The following BBX variants were observed in gnomAD, a reference collection of about 807,000 sequenced individuals.
BBX encodes BBX high mobility group box domain containing.
A neutral mutation model predicts 100.2 loss-of-function variants in BBX; 30 were observed. That is an observed-to-expected ratio of 0.30 (90% CI 0.22 to 0.41). The LOEUF is 0.41. BBX is among the 10% of genes least tolerant of loss of function. BBX has a pLI of 1.00. For synonymous variants in BBX, 376 were observed against 388.1 expected, an observed-to-expected ratio of 0.97 and a Z score of 0.37; for missense variants, 1,023 against 1,129.8, an observed-to-expected ratio of 0.91 and a Z score of 1.35.
intron 3 of BBX, among the ~76,000 whole-genome samples, chr3:107,708,479 G>C (rs1267147917): frequency 2.0e-4 from 31 of 152,088 alleles, no homozygotes; most frequent in Admixed American, 2.0e-3. Flanking sequence ...TTCAAGACCA[G>C]ACTGGCCAAT....
chr3:107,611,834 T>C (rs1010318037), intron 2 of BBX, among the ~76,000 whole-genome samples: 2 of 152,138 alleles, frequency 1.3e-5, no homozygotes, highest in Non-Finnish European at 2.9e-5. Flanking sequence ...CCCCTCTCTT[T>C]CTACCTCCTC....
Position 107,696,534 on chromosome 3 carries a change from C to G in BBX, c.-9-13918C>G, listed in dbSNP as rs559544910. Among the ~76,000 whole-genome samples, 26 of 151,976 alleles carry G rather than the reference C, an allele frequency of 1.7e-4. No individual in the cohort carries two copies. In the East Asian group the frequency reaches 5.0e-3, roughly 29 times the overall value. On this transcript the variant is annotated intron_variant, in intron 3 of 17. Transcript: ENST00000325805. ...AATGTTGAATACTGGCCCCCACTCTCTTCTGGCTTCTAGAGTTTCTGCCAA... is the reference window on the plus strand; with the variant it reads ...AATGTTGAATACTGGCCCCCACTCTGTTCTGGCTTCTAGAGTTTCTGCCAA...
intron 2 of BBX, among the ~76,000 whole-genome samples, chr3:107,613,827 A>G (rs908967499): frequency 6.7e-6 from 1 of 149,836 alleles, no homozygotes; most frequent in African/African-American, 2.5e-5. Context: ...TGCAACAGTC[A>G]TTTTCCTATT....
At chr3:107,616,197 C>A (rs2107672829) in intron 2 of BBX, among the ~76,000 whole-genome samples, 1 of 151,412 alleles carries the variant, frequency 6.6e-6, no homozygotes, top group South Asian at 2.1e-4. Flanking sequence ...TTTTTTAGTG[C>A]CAACATGATT....
intron 10 of BBX, among the ~76,000 whole-genome samples, chr3:107,767,208 T>C (rs2066466594): frequency 6.6e-6 from 1 of 152,158 alleles, no homozygotes; most frequent in Non-Finnish European, 1.5e-5. Context: ...AAAATACATA[T>C]GTATTTCCTT....
chr3:107,604,807 A>G (rs551209539), intron 2 of BBX, among the ~76,000 whole-genome samples: 1 of 150,704 alleles, frequency 6.6e-6, no homozygotes, highest in African/African-American at 2.4e-5. Context: ...AGGAAAACCC[A>G]GTGGATAAGT....
chr3:107,757,770 CGTTTA>C, intron 10 of BBX, among the ~76,000 whole-genome samples: 1 of 151,912 alleles, frequency 6.6e-6, no homozygotes, highest in African/African-American at 2.4e-5. Context: ...CAAAATATAA[CGTTTA>C]ATTATTTCTG....
At chr3:107,523,361 A>G (rs1445563974) in intron 1 of BBX, 2 of 150,880 alleles carry the variant, frequency 1.3e-5, no homozygotes, top group Non-Finnish European at 2.9e-5. Flanking sequence ...GGGTCGGGAG[A>G]GGTCGGGGGC....
Position 107,772,682 on chromosome 3 carries a change from A to G in BBX, c.961A>G (p.Lys321Glu), listed in dbSNP as rs1351220915. Reference protein sequence around the residue: ...KMEESKLIKAKESDGGRIKEL... With the variant: ...KMEESKLIKAEESDGGRIKEL... ...GGAAGAATCAAAGCTAATAAAAGCA[A>G]AAGAATCCGATGGTGGAAGAATTAA... The change falls in exon 11 of 18, where the codon AAA becomes GAA. Residue 321 changes from lysine (K) to glutamate (E), a missense_variant. Lys to Glu is a moderately conservative substitution (Grantham distance 56, BLOSUM62 1). Around this residue, in one of 9 missense-constraint regions of BBX, gnomAD observed 348 missense variants for 353.2 expected, o/e 0.99. Coordinates refer to ENST00000325805, the MANE Select transcript of BBX (RefSeq NM_001142568.3). 1.2e-6 allele frequency: 2 copies of G among 1,601,942 alleles called. No individual in the cohort carries two copies. Among genetic ancestry groups the G allele is most frequent in the Admixed American group, 1.7e-5 (1 of 57,252 alleles).
intron 2 of BBX, among the ~76,000 whole-genome samples, chr3:107,564,376 A>G (rs1397587379): frequency 6.6e-6 from 1 of 152,144 alleles, no homozygotes; most frequent in Non-Finnish European, 1.5e-5. Flanking sequence ...GTCATGTCTC[A>G]TGGGGATGTT....
chr3:107,740,007 G>C (rs1322445764), intron 7 of BBX, among the ~76,000 whole-genome samples: 1 of 152,000 alleles, frequency 6.6e-6, no homozygotes, highest in Non-Finnish European at 1.5e-5. Context: ...TACTCCAGCA[G>C]CCCTGATGCC....
chr3:107,739,077 G>A (rs2063872479), intron 7 of BBX, among the ~76,000 whole-genome samples: 1 of 152,138 alleles, frequency 6.6e-6, no homozygotes, highest in African/African-American at 2.4e-5. Context: ...TAAATGCTGA[G>A]TTTTTAACAA....
intron 12 of BBX, 140 bp from the exon 13 acceptor site, chr3:107,778,231 T>A (rs985214018): frequency 9.9e-7 from 1 of 1,009,232 alleles, no homozygotes; most frequent in Non-Finnish European, 1.4e-6. Flanking sequence ...AGAAAAGGTG[T>A]TTTTTTCCTT....
At chr3:107,798,849 A>G in intron 16 of BBX, 129 bp downstream of exon 16, 1 of 1,029,622 alleles carries the variant, frequency 9.7e-7, no homozygotes, top group Admixed American at 2.9e-5. Context: ...AAAAAAAAAA[A>G]ACAAAAACAA....
Position 107,791,275 on chromosome 3 carries a change from T to G in BBX, c.2329T>G (p.Leu777Val), listed in dbSNP as rs771127512. The change falls in exon 15 of 18, where the codon TTG (leucine) becomes GTG (valine). Residue 777 changes from leucine (L) to valine (V), a missense_variant. Physicochemically the swap from Leu to Val is conservative, Grantham distance 32. Coordinates refer to ENST00000325805, the MANE Select transcript of BBX (RefSeq NM_001142568.3). ...GDKWSNKQLF[L>V]DAIHPTEAIF... Reference sequence around the variant, plus strand: ...TAAATGGTCAAACAAGCAACTCTTCTTGGATGCCATTCACCCTACAGAAGG... The same window carrying G: ...TAAATGGTCAAACAAGCAACTCTTCGTGGATGCCATTCACCCTACAGAAGG... 3 of 1,613,368 alleles carry G rather than the reference T, an allele frequency of 1.9e-6. No homozygotes were observed. The African/African-American group carries it at 4.0e-5, about 22-fold the overall frequency.
At chr3:107,563,133 G>T (rs2050634033) in intron 2 of BBX, among the ~76,000 whole-genome samples, 1 of 152,178 alleles carries the variant, frequency 6.6e-6, no homozygotes, top group South Asian at 2.1e-4. Flanking sequence ...AGCGATTTAT[G>T]TGTGTGGAGG....
intron 3 of BBX, among the ~76,000 whole-genome samples, chr3:107,665,391 A>G (rs753295990): frequency 5.9e-5 from 9 of 152,124 alleles, no homozygotes; most frequent in Non-Finnish European, 1.0e-4. Context: ...AGTGAACTGT[A>G]AGATTCCTTT....
chr3:107,555,699 A>AT (rs1380875504), intron 2 of BBX, among the ~76,000 whole-genome samples: 1 of 152,176 alleles, frequency 6.6e-6, no homozygotes, highest in Non-Finnish European at 1.5e-5. Context: ...ACTGAAGAAG[A>AT]TTCTCTTCTT....
chr3:107,704,022 G>A (rs2061242243), intron 3 of BBX, among the ~76,000 whole-genome samples: 1 of 152,064 alleles, frequency 6.6e-6, no homozygotes, highest in Non-Finnish European at 1.5e-5. Flanking sequence ...TTTTTCCCAG[G>A]TAAGCATTTG....
Sources: allele counts gnomAD v4.1 joint callset (sites outside exome capture counted in the v4.1 genomes callset), GRCh38; gene constraint gnomAD v4.1.1; regional missense constraint gnomAD v4.1.1; transcripts MANE v1.5; gene names NCBI Gene and HGNC (gene_info 2026-07-23, HGNC 2026-07-21).